Variants in PCDH11Y observed in about 807,000 individuals in gnomAD.
PCDH11Y encodes protocadherin-11 Y-linked.
For synonymous variants in PCDH11Y, 9 were observed against 83.6 expected (o/e 0.11, Z 4.87); for missense variants, 12 against 224.8 (o/e 0.05, Z 6.05).
intron 2 of PCDH11Y, among the ~76,000 whole-genome samples, chrY:5,416,957 T>C (rs2053253859): frequency 1.3e-4 from 4 of 30,341 alleles, no homozygotes; most frequent in Non-Finnish European, 3.1e-4. Context: ...TTTAAAATTA[T>C]CCTTTAAGAA....
intron 2 of PCDH11Y, among the ~76,000 whole-genome samples, chrY:5,383,642 C>G: frequency 1.2e-4 from 4 of 33,101 alleles, no homozygotes; most frequent in Non-Finnish European, 2.2e-4. Context: ...ATTTTTGAAA[C>G]AGAGTCTAGC....
intron 2 of PCDH11Y, among the ~76,000 whole-genome samples, chrY:5,229,194 G>GT (rs2052964532): frequency 3.4e-5 from 1 of 29,828 alleles, no homozygotes; most frequent in Admixed American, 3.2e-4. Context: ...TCTTCTCATA[G>GT]TTTTTGTCTT....
intron 2 of PCDH11Y, among the ~76,000 whole-genome samples, chrY:5,283,135 GT>G (rs2053056129): frequency 3.0e-5 from 1 of 33,296 alleles, no homozygotes; most frequent in South Asian, 6.4e-4. Flanking sequence ...CTCATAGTAT[GT>G]GTAATTCATT....
intron 2 of PCDH11Y, among the ~76,000 whole-genome samples, chrY:5,418,588 T>C (rs2053255252): frequency 4.8e-4 from 16 of 33,166 alleles, no homozygotes; most frequent in South Asian, 2.0e-3. Context: ...CTTGCCATCG[T>C]TGAAGACCTT....
At chrY:5,570,716 A>G (rs1602944638) in intron 3 of PCDH11Y, among the ~76,000 whole-genome samples, 3 of 32,198 alleles carry the variant, frequency 9.3e-5, no homozygotes, top group African/African-American at 1.2e-4. Context: ...GATGTGGCCT[A>G]TGATTTCAAG....
chrY:5,640,204 G>C (rs1602955379), intron 4 of PCDH11Y, among the ~76,000 whole-genome samples: 2 of 32,632 alleles, frequency 6.1e-5, no homozygotes, highest in South Asian at 1.4e-3. Flanking sequence ...CACATCTGCA[G>C]TGATTTCCTT....
At chrY:5,534,159 A>C (rs1602939417) in intron 3 of PCDH11Y, among the ~76,000 whole-genome samples, 98 of 33,043 alleles carry the variant, frequency 3.0e-3, no homozygotes, top group African/African-American at 0.01. Flanking sequence ...TCTGTTCTTC[A>C]GATTGGATAA....
At chrY:5,627,575 A>G in intron 4 of PCDH11Y, among the ~76,000 whole-genome samples, 1 of 30,859 alleles carries the variant, frequency 3.2e-5, no homozygotes, top group Admixed American at 3.0e-4. Context: ...TAGCTTTTGT[A>G]TTTTTAGTAG....
At chrY:5,119,108 T>G (rs1602871028) in intron 2 of PCDH11Y, among the ~76,000 whole-genome samples, 1 of 30,114 alleles carries the variant, frequency 3.3e-5, no homozygotes, top group East Asian at 8.7e-4. Context: ...ATGATTATTT[T>G]TATTAGATTT....
At chrY:5,479,193 G>A (rs1602931497) in intron 2 of PCDH11Y, among the ~76,000 whole-genome samples, 1 of 33,227 alleles carries the variant, frequency 3.0e-5, no homozygotes, top group African/African-American at 1.2e-4. Context: ...TCAATATTTA[G>A]TGCTTCCTTC....
At chrY:5,438,640 G>T in intron 2 of PCDH11Y, among the ~76,000 whole-genome samples, 1 of 32,418 alleles carries the variant, frequency 3.1e-5, no homozygotes, top group South Asian at 7.0e-4. Context: ...AAATGCCTTT[G>T]GGTAACAAGA....
At chrY:5,457,395 C>A in intron 2 of PCDH11Y, among the ~76,000 whole-genome samples, 1 of 33,580 alleles carries the variant, frequency 3.0e-5, no homozygotes, top group South Asian at 6.5e-4. Context: ...GAACTTATAA[C>A]AAATCAATTG....
intron 4 of PCDH11Y, among the ~76,000 whole-genome samples, chrY:5,624,311 GT>G (rs2053504041): frequency 2.1e-4 from 5 of 24,320 alleles, no homozygotes; most frequent in South Asian, 1.8e-3. Context: ...GCTGATAGTT[GT>G]TTTTTTTCTT....
intron 2 of PCDH11Y, among the ~76,000 whole-genome samples, chrY:5,167,517 TTGTGTGTGTG>T (rs56931360): frequency 4.9e-4 from 7 of 14,272 alleles, no homozygotes; most frequent in African/African-American, 2.2e-3. Context: ...ATCTCTTGGA[TTGTGTGTGTG>T]TGTGTGTGTG....
intron 3 of PCDH11Y, among the ~76,000 whole-genome samples, chrY:5,534,579 G>A: frequency 3.0e-5 from 1 of 33,032 alleles, no homozygotes; most frequent in East Asian, 8.0e-4. Flanking sequence ...TAGGCACTAC[G>A]TATTTTTATC....
At chrY:5,738,234 G>GT (rs2053613242) in exon 5 of PCDH11Y, 1 of 105,255 alleles carries the variant, frequency 9.5e-6, no homozygotes, top group Non-Finnish European at 1.9e-5. Context: ...ATTTTTTGTT[G>GT]TTTTTATCAT....
At chrY:5,266,692 G>A (rs2053026816) in intron 2 of PCDH11Y, among the ~76,000 whole-genome samples, 1 of 31,940 alleles carries the variant, frequency 3.1e-5, no homozygotes, top group African/African-American at 1.2e-4. Context: ...ATAAGAATAC[G>A]AGTGTGAATA....
intron 2 of PCDH11Y, among the ~76,000 whole-genome samples, chrY:5,402,822 A>T (rs2053235257): frequency 6.4e-5 from 2 of 31,030 alleles, no homozygotes; most frequent in Admixed American, 6.1e-4. Context: ...AGTTACTTCT[A>T]AGGCTGTATC....
chrY:5,243,108 C>G, intron 2 of PCDH11Y, among the ~76,000 whole-genome samples: 1 of 33,511 alleles, frequency 3.0e-5, no homozygotes, highest in East Asian at 7.8e-4. Context: ...AATACAGCCT[C>G]TCAGGACAGC....
Sources: allele counts gnomAD v4.1 joint callset (sites outside exome capture counted in the v4.1 genomes callset), GRCh38; gene constraint gnomAD v4.1.1; transcripts MANE v1.5; gene names NCBI Gene and HGNC (gene_info 2026-07-23, HGNC 2026-07-21).